The following DPP10 variants were observed in gnomAD, a reference collection of about 807,000 sequenced individuals.
DPP10 encodes inactive dipeptidyl peptidase 10.
DPP10 carries 33 observed loss-of-function variants against 120.9 expected under a neutral mutation model. That is an observed-to-expected ratio of 0.27 (90% CI 0.21 to 0.37). DPP10 has a LOEUF of 0.37. Among genes scored for constraint, DPP10 ranks in the 10% least tolerant of loss-of-function variants. DPP10 has a pLI of 1.00. For synonymous variants in DPP10, 337 were observed against 326.1 expected (o/e 1.03, Z -0.36); for missense variants, 816 against 942.8 (o/e 0.87, Z 1.76).
chr2:115,064,595 G>C lies in DPP10; in HGVS notation c.61-244644G>C, dbSNP rs999857107. 5 of 1,211,886 alleles carry C rather than the reference G, an allele frequency of 4.1e-6. No individual in the cohort carries two copies. In the African/African-American group the frequency reaches 7.8e-5, roughly 19 times the overall value. 75.1% of individuals were successfully genotyped at this position (1,211,886 alleles called of 1,614,324 possible). ...CACACACATATTTCGGTTGGACATAGGTGGGCACTGACGTAGATTCTTTGC... is the reference window on the plus strand; with the variant it reads ...CACACACATATTTCGGTTGGACATACGTGGGCACTGACGTAGATTCTTTGC... On this transcript the variant is annotated intron_variant, in intron 1 of 25. Transcript: ENST00000410059.
At chr2:114,707,335 A>G (rs1383003717) in intron 1 of DPP10, among the ~76,000 whole-genome samples, 1 of 152,232 alleles carries the variant, frequency 6.6e-6, no homozygotes, top group Non-Finnish European at 1.5e-5. Flanking sequence ...AATTATGGTA[A>G]TCTAATCAGA....
chr2:114,714,727 C>T (rs1701246235), intron 1 of DPP10, among the ~76,000 whole-genome samples: 1 of 151,924 alleles, frequency 6.6e-6, no homozygotes, highest in African/African-American at 2.4e-5. Context: ...TGTTAAATCT[C>T]CATTACTTGA....
chr2:115,340,362 G>A (rs546715662), intron 2 of DPP10, among the ~76,000 whole-genome samples: 8 of 151,950 alleles, frequency 5.3e-5, no homozygotes, highest in African/African-American at 1.9e-4. Context: ...AAGGGCAAAG[G>A]ACTTATATAA....
intron 1 of DPP10, among the ~76,000 whole-genome samples, chr2:114,466,396 A>G (rs1316503209): frequency 4.6e-5 from 7 of 152,220 alleles, no homozygotes; most frequent in African/African-American, 1.2e-4. Flanking sequence ...AATTCAAATC[A>G]TCATGGAAAG....
intron 5 of DPP10, among the ~76,000 whole-genome samples, chr2:115,538,200 A>C (rs1360300723): frequency 6.6e-6 from 1 of 152,002 alleles, no homozygotes; most frequent in Non-Finnish European, 1.5e-5. Flanking sequence ...AAAGGAAGTA[A>C]ATTGCATGAA....
intron 1 of DPP10, among the ~76,000 whole-genome samples, chr2:114,940,091 T>C (rs1696779533): frequency 6.6e-6 from 1 of 152,162 alleles, no homozygotes; most frequent in South Asian, 2.1e-4. Flanking sequence ...AAGTCTGTAT[T>C]TTAATCCCTA....
At chr2:115,516,649 C>T (rs2148861220) in intron 4 of DPP10, among the ~76,000 whole-genome samples, 1 of 144,006 alleles carries the variant, frequency 6.9e-6, no homozygotes, top group African/African-American at 2.6e-5. Context: ...TTTTTTGTTG[C>T]TTGCATCCTG....
At chr2:115,261,638 C>T (rs2059253724) in intron 1 of DPP10, among the ~76,000 whole-genome samples, 1 of 152,116 alleles carries the variant, frequency 6.6e-6, no homozygotes, top group South Asian at 2.1e-4. Context: ...AAATCAGAAG[C>T]AATTGTTGAA....
rs200907777 is a variant in DPP10 at position 115,030,171 on chromosome 2, AT to A, written c.61-279054del. ...ATCAGGCAAACTTGAGCCTCAACTAATTTTTTTTTTTTTTATTTCTCAGAGC... is the reference window on the plus strand; with the variant it reads ...ATCAGGCAAACTTGAGCCTCAACTAATTTTTTTTTTTTTATTTCTCAGAGC... On this transcript the variant is annotated intron_variant, in intron 1 of 25. Coordinates refer to ENST00000410059, the MANE Select transcript of DPP10 (RefSeq NM_020868.6). 7.3e-3 allele frequency among the ~76,000 whole-genome samples: 1,058 copies of A among 145,510 alleles called. 2 individuals are homozygous for A. The highest frequency in any genetic ancestry group is 0.018 in the African/African-American group (717 of 39,908).
intron 1 of DPP10, among the ~76,000 whole-genome samples, chr2:114,663,440 G>A (rs1284294749): frequency 6.7e-6 from 1 of 149,862 alleles, no homozygotes; most frequent in Non-Finnish European, 1.5e-5. Flanking sequence ...AATGTGTCTT[G>A]GATATATTTA....
chr2:115,123,022 C>A (rs2049902715), intron 1 of DPP10, among the ~76,000 whole-genome samples: 2 of 152,150 alleles, frequency 1.3e-5, no homozygotes, highest in South Asian at 2.1e-4. Context: ...CCAAAGAAAG[C>A]AAGGCATAGA....
chr2:115,261,779 C>T (rs553399321), intron 1 of DPP10, among the ~76,000 whole-genome samples: 1 of 152,256 alleles, frequency 6.6e-6, no homozygotes, highest in Admixed American at 6.5e-5. Flanking sequence ...TATTTATCTC[C>T]ATATTAACAT....
chr2:114,975,990 T>A (rs537331966), intron 1 of DPP10, among the ~76,000 whole-genome samples: 153 of 152,306 alleles, frequency 1.0e-3, no homozygotes, highest in Non-Finnish European at 1.9e-3. Context: ...AATTTTAAGT[T>A]AGAAGTTTAA....
At position 114,706,183 on chromosome 2, in the gene DPP10, C is replaced by T. The variant is rs909501298; in HGVS notation, c.60+263345C>T. Among the ~76,000 whole-genome samples the T allele has an allele frequency of 6.6e-5, 10 of 152,300 alleles. No individual in the cohort carries two copies. In the East Asian group the frequency reaches 1.2e-3, roughly 18 times the overall value. ...CTTTTGATTCCAAAGTTCTGTAGGA[C>T]AGAACCAGCACATTTTACAAATTGG... On this transcript the variant is annotated intron_variant, in intron 1 of 25. Coordinates refer to ENST00000410059, the MANE Select transcript of DPP10 (RefSeq NM_020868.6).
At chr2:115,164,288 G>A (rs527445508) in intron 1 of DPP10, among the ~76,000 whole-genome samples, 1 of 152,064 alleles carries the variant, frequency 6.6e-6, no homozygotes, top group South Asian at 2.1e-4. Context: ...AATGATTTTT[G>A]TGACAGCTTA....
chr2:114,554,736 C>T (rs1299225159), intron 1 of DPP10, among the ~76,000 whole-genome samples: 1 of 152,208 alleles, frequency 6.6e-6, no homozygotes, highest in Admixed American at 6.5e-5. Context: ...TTAACATCTG[C>T]CCCTTCCAAT....
At chr2:114,699,849 T>C (rs1220570159) in intron 1 of DPP10, among the ~76,000 whole-genome samples, 1 of 152,120 alleles carries the variant, frequency 6.6e-6, no homozygotes, top group Non-Finnish European at 1.5e-5. Flanking sequence ...TGCTGGACTC[T>C]GTTGAACAAA....
chr2:115,521,491 T>C (rs1302768412), intron 4 of DPP10, among the ~76,000 whole-genome samples: 1 of 152,206 alleles, frequency 6.6e-6, no homozygotes, highest in Admixed American at 6.5e-5. Context: ...CTGTTTTTCT[T>C]TATTTTCTCC....
intron 5 of DPP10, among the ~76,000 whole-genome samples, chr2:115,556,350 T>C (rs1310234543): frequency 7.0e-6 from 1 of 143,324 alleles, no homozygotes; most frequent in Non-Finnish European, 1.5e-5. Context: ...CGTTGTGAGA[T>C]TTTTTTTTGG....
Sources: gnomAD v4.1 joint callset for allele counts (sites outside exome capture counted in the v4.1 genomes callset) on GRCh38, gnomAD v4.1.1 for gene constraint, MANE v1.5 for transcripts, NCBI Gene and HGNC (gene_info 2026-07-23, HGNC 2026-07-21) for gene names.